The following CNTN5 variants were observed in gnomAD, a reference collection of about 807,000 sequenced individuals.
The protein encoded by CNTN5 is contactin 5.
In CNTN5, 77 loss-of-function variants were observed where a neutral mutation model predicts 129.1. The ratio of observed to expected loss-of-function variants is 0.60; its 90% CI spans 0.50 to 0.72. CNTN5 has a LOEUF of 0.72. Among genes scored for constraint, CNTN5 ranks in the 30% least tolerant of loss-of-function variants. The pLI is 0.00. For synonymous variants in CNTN5, 509 were observed against 465.6 expected, an observed-to-expected ratio of 1.09 and a Z score of -1.20; for missense variants, 1,478 against 1,328.8, an observed-to-expected ratio of 1.11 and a Z score of -1.75.
Position 99,439,052 on chromosome 11 carries a change from T to C in CNTN5, c.-71+113568T>C, listed in dbSNP as rs1180768352. ...AGAAAATGGGTTATAAAGTAATATG[T>C]GCCATTTATCTTTTCGATAGAGTGA... On this transcript the variant is annotated intron_variant, in intron 2 of 24. Coordinates refer to ENST00000524871, the MANE Select transcript of CNTN5 (RefSeq NM_014361.4). Among the ~76,000 whole-genome samples, 4 of 152,262 alleles carry C rather than the reference T, an allele frequency of 2.6e-5. No individual in the cohort carries two copies. In the South Asian group the frequency reaches 8.3e-4, roughly 31 times the overall value.
chr11:99,118,759 A>T (rs1204356613), intron 1 of CNTN5, among the ~76,000 whole-genome samples: 3 of 152,028 alleles, frequency 2.0e-5, no homozygotes, highest in Non-Finnish European at 4.4e-5. Context: ...TAAGCCCCAA[A>T]AATCATTCTT....
intron 9 of CNTN5, among the ~76,000 whole-genome samples, chr11:100,013,237 A>G (rs1211766803): frequency 6.6e-6 from 1 of 152,136 alleles, no homozygotes; most frequent in Non-Finnish European, 1.5e-5. Flanking sequence ...TAATGGGTAT[A>G]AGGTACATTA....
intron 3 of CNTN5, among the ~76,000 whole-genome samples, chr11:99,697,663 A>G (rs1384780552): frequency 6.6e-6 from 1 of 151,738 alleles, no homozygotes. Context: ...AATCTGAATA[A>G]AGTATGAACT....
intron 1 of CNTN5, among the ~76,000 whole-genome samples, chr11:99,122,592 A>G (rs548729009): frequency 4.3e-4 from 66 of 152,134 alleles, no homozygotes; most frequent in South Asian, 2.1e-3. Flanking sequence ...GGATTGTTAT[A>G]TAAGTAAACT....
intron 13 of CNTN5, among the ~76,000 whole-genome samples, chr11:100,158,145 A>G (rs192997373): frequency 7.2e-5 from 11 of 151,930 alleles, no homozygotes; most frequent in Admixed American, 4.6e-4. Flanking sequence ...TCAGAAGAGA[A>G]AGATGAGTTG....
intron 13 of CNTN5, among the ~76,000 whole-genome samples, chr11:100,157,067 TC>T (rs1249397377): frequency 6.6e-6 from 1 of 151,766 alleles, no homozygotes; most frequent in Non-Finnish European, 1.5e-5. Context: ...CTTCTCTTGT[TC>T]TTTTAATTGT....
At chr11:99,432,493 T>TTCTTTTCTTTTCTTTTCTTG in intron 2 of CNTN5, among the ~76,000 whole-genome samples, 1 of 141,814 alleles carries the variant, frequency 7.1e-6, no homozygotes, top group East Asian at 2.0e-4. Context: ...TTCTTTTCTT[T>TTCTTTTCTTTTCTTTTCTTG]TCTTTCTTTT....
At chr11:99,836,384 C>G (rs992074354) in intron 4 of CNTN5, among the ~76,000 whole-genome samples, 22 of 148,528 alleles carry the variant, frequency 1.5e-4, no homozygotes, top group Non-Finnish European at 2.7e-4. Context: ...TGAGTGAGAA[C>G]ATGCGGTGTT....
At chr11:100,181,970 C>T (rs1260176926) in intron 13 of CNTN5, among the ~76,000 whole-genome samples, 1 of 151,886 alleles carries the variant, frequency 6.6e-6, no homozygotes, top group African/African-American at 2.4e-5. Context: ...TTCTTAAATT[C>T]ATTTGGAAAT....
chr11:100,322,511 T>C (rs889599347), intron 21 of CNTN5, among the ~76,000 whole-genome samples: 3 of 152,178 alleles, frequency 2.0e-5, no homozygotes, highest in Non-Finnish European at 2.9e-5. Flanking sequence ...CATGAGCCAC[T>C]GCGCCCGGCC....
At chr11:100,320,415 G>C (rs1398641400) in intron 21 of CNTN5, among the ~76,000 whole-genome samples, 1 of 152,032 alleles carries the variant, frequency 6.6e-6, no homozygotes, top group Non-Finnish European at 1.5e-5. Flanking sequence ...CTATTGAGTT[G>C]AGTTGCATAT....
intron 2 of CNTN5, among the ~76,000 whole-genome samples, chr11:99,444,680 A>C (rs1485609595): frequency 6.6e-6 from 1 of 152,168 alleles, no homozygotes; most frequent in Non-Finnish European, 1.5e-5. Flanking sequence ...CAAAAGTTTG[A>C]GTGTAGTATA....
intron 13 of CNTN5, among the ~76,000 whole-genome samples, chr11:100,145,772 G>A (rs1946832840): frequency 6.6e-6 from 1 of 152,020 alleles, no homozygotes; most frequent in South Asian, 2.1e-4. Flanking sequence ...AAGCAAACAG[G>A]GTTAGGCTTT....
At chr11:100,282,631 A>T (rs1289541037) in intron 18 of CNTN5, among the ~76,000 whole-genome samples, 3 of 152,228 alleles carry the variant, frequency 2.0e-5, no homozygotes. Flanking sequence ...TACAATTAGC[A>T]TGTGGCAAAG....
At chr11:99,320,216 T>A (rs1865512314) in intron 1 of CNTN5, among the ~76,000 whole-genome samples, 1 of 152,178 alleles carries the variant, frequency 6.6e-6, no homozygotes, top group Admixed American at 6.5e-5. Flanking sequence ...CACTCTAGCC[T>A]GGGCAACAGA....
chr11:100,154,520 T>C (rs1489611704), intron 13 of CNTN5, among the ~76,000 whole-genome samples: 2 of 152,196 alleles, frequency 1.3e-5, no homozygotes, highest in African/African-American at 4.8e-5. Flanking sequence ...TGTGTTATAA[T>C]GCTTTGGGTA....
chr11:99,954,155 A>AG (rs1265515030), intron 7 of CNTN5, among the ~76,000 whole-genome samples: 3 of 152,226 alleles, frequency 2.0e-5, no homozygotes, highest in African/African-American at 4.8e-5. Context: ...TAATAAAAAA[A>AG]GAAAGTAAAC....
At chr11:99,071,671 T>G (rs1865347802) in intron 1 of CNTN5, among the ~76,000 whole-genome samples, 1 of 152,128 alleles carries the variant, frequency 6.6e-6, no homozygotes, top group Non-Finnish European at 1.5e-5. Flanking sequence ...ATATTTTTAT[T>G]TTTACTTCAT....
intron 1 of CNTN5, among the ~76,000 whole-genome samples, chr11:99,165,716 C>T (rs1860835041): frequency 6.6e-6 from 1 of 152,090 alleles, no homozygotes; most frequent in African/African-American, 2.4e-5. Flanking sequence ...TGTTTCAGTG[C>T]TTTCCATGGT....
Sources: allele counts gnomAD v4.1 joint callset (sites outside exome capture counted in the v4.1 genomes callset), GRCh38; gene constraint gnomAD v4.1.1; transcripts MANE v1.5; gene names NCBI Gene and HGNC (gene_info 2026-07-23, HGNC 2026-07-21).